Variants in HIRA observed in about 807,000 individuals in gnomAD.
HIRA encodes histone cell cycle regulator, also known as protein HIRA.
HIRA carries 13 observed loss-of-function variants against 126.6 expected under a neutral mutation model. The ratio of observed to expected loss-of-function variants is 0.10; its 90% CI spans 0.07 to 0.16. The LOEUF (loss-of-function observed/expected upper bound fraction) is 0.16, where lower values mean the gene tolerates loss of function less well. Among genes scored for constraint, HIRA ranks in the 10% least tolerant of loss-of-function variants. HIRA has a pLI of 1.00. For missense variants in HIRA, 834 were observed against 1,314.4 expected (o/e 0.63, Z 5.65); for synonymous variants, 511 against 520.0 (o/e 0.98, Z 0.24).
In HIRA at chr22:19,331,009, A is replaced by T; in HGVS notation, c.*431T>A. The T allele has an allele frequency of 2.2e-6, 1 of 450,662 alleles. No homozygotes were observed. The highest frequency in any genetic ancestry group is 3.1e-5 in the South Asian group (1 of 32,344). 27.9% of individuals were successfully genotyped at this position (450,662 alleles called of 1,614,324 possible). On this transcript the variant is annotated 3_prime_UTR_variant, in exon 25 of 25. Transcript: ENST00000263208. ...CGTGTGTTGGAACAGCTTTCCTTTT[A>T]CATAGGTCTTAGGTCAGTCTGCTGT...
chr22:19,431,336 G>A (rs537249428), intron 1 of HIRA, 104 bp downstream of exon 1: 20 of 1,297,634 alleles, frequency 1.5e-5, no homozygotes, highest in South Asian at 1.3e-4. Flanking sequence ...ACCGGGTACC[G>A]GGCGTCAGGG....
intron 13 of HIRA, among the ~76,000 whole-genome samples, chr22:19,383,357 G>GTGCCC (rs1042018698): frequency 2.9e-4 from 44 of 152,210 alleles, no homozygotes; most frequent in Middle Eastern, 6.8e-3. Flanking sequence ...GCGTCCTCTG[G>GTGCCC]TGCCCTGGCA....
At chr22:19,385,808 A>G (rs1480153188) in intron 11 of HIRA, 72 bp from the exon 12 acceptor site, 6 of 1,417,140 alleles carry the variant, frequency 4.2e-6, no homozygotes, top group Non-Finnish European at 5.9e-6. Flanking sequence ...ACCAGCAGGC[A>G]AACTACAGCA....
At chr22:19,346,809 G>T (rs528054003) in intron 24 of HIRA, among the ~76,000 whole-genome samples, 1 of 152,326 alleles carries the variant, frequency 6.6e-6, no homozygotes, top group East Asian at 1.9e-4. Flanking sequence ...CCTTTACAGA[G>T]GGTGGTAAGC....
chr22:19,340,555 T>C lies in HIRA; in HGVS notation c.2938-8999A>G, dbSNP rs1601799294. ...GAGAAAGAAATAAAGGGCATCCAAA[T>C]ATGTAAAGGGGAAGTCAAAATATCG... On this transcript the variant is annotated intron_variant, in intron 24 of 24. Transcript: ENST00000263208. 2.6e-5 allele frequency among the ~76,000 whole-genome samples: 4 copies of C among 152,068 alleles called. No homozygotes were observed. The East Asian group carries it at 7.7e-4, about 29-fold the overall frequency.
At chr22:19,407,992 G>C (rs1348638513) in intron 3 of HIRA, among the ~76,000 whole-genome samples, 1 of 152,156 alleles carries the variant, frequency 6.6e-6, no homozygotes, top group Non-Finnish European at 1.5e-5. Flanking sequence ...AACACACAGA[G>C]GAAAGGAAGG....
chr22:19,371,902 G>A (rs1239960968), intron 15 of HIRA, among the ~76,000 whole-genome samples: 1 of 151,978 alleles, frequency 6.6e-6, no homozygotes, highest in Non-Finnish European at 1.5e-5. Context: ...CCACTTTTTG[G>A]TTATTATGTA....
chr22:19,391,888 A>G (rs2089186026), intron 9 of HIRA, among the ~76,000 whole-genome samples: 1 of 152,182 alleles, frequency 6.6e-6, no homozygotes, highest in Admixed American at 6.5e-5. Context: ...GTGGGGGTCA[A>G]GGTGGCCTCT....
chr22:19,425,935 C>T (rs1325380544), intron 1 of HIRA, among the ~76,000 whole-genome samples: 3 of 152,170 alleles, frequency 2.0e-5, no homozygotes, highest in Admixed American at 6.5e-5. Context: ...CACTTGAACC[C>T]GGGAGGTGGA....
At chr22:19,358,243 C>A (rs143851263) in intron 18 of HIRA, among the ~76,000 whole-genome samples, 1 of 152,242 alleles carries the variant, frequency 6.6e-6, no homozygotes, top group Non-Finnish European at 1.5e-5. Flanking sequence ...ATCTGCCCAT[C>A]TCTGGTGGTC....
chr22:19,361,167 T>C (rs766680325), intron 17 of HIRA, 70 bp downstream of exon 17: 25 of 1,154,208 alleles, frequency 2.2e-5, no homozygotes, highest in Non-Finnish European at 3.0e-5. Context: ...AAGATAGGAT[T>C]TGTATGCAGT....
intron 5 of HIRA, chr22:19,405,438 T>C (rs1439714401): frequency 1.0e-6 from 1 of 971,702 alleles, no homozygotes; most frequent in Non-Finnish European, 1.2e-6. Context: ...AGCTGATTTC[T>C]GGGGAATAAA....
At chr22:19,414,615 T>C (rs1219909753) in intron 1 of HIRA, among the ~76,000 whole-genome samples, 1 of 152,260 alleles carries the variant, frequency 6.6e-6, no homozygotes, top group East Asian at 1.9e-4. Flanking sequence ...CTGGGAACAC[T>C]TCCTGCACTG....
At chr22:19,363,390 C>T (rs1235565833) in intron 15 of HIRA, among the ~76,000 whole-genome samples, 5 of 152,130 alleles carry the variant, frequency 3.3e-5, no homozygotes, top group Non-Finnish European at 7.4e-5. Flanking sequence ...GAGGACTGCT[C>T]GAGCCCAGAG....
At chr22:19,380,987 C>T (rs890520455) in intron 13 of HIRA, among the ~76,000 whole-genome samples, 1 of 152,170 alleles carries the variant, frequency 6.6e-6, no homozygotes, top group South Asian at 2.1e-4. Flanking sequence ...GTTATTTGTA[C>T]TGGTTAAATT....
intron 24 of HIRA, among the ~76,000 whole-genome samples, chr22:19,342,162 A>G (rs2088636279): frequency 6.6e-6 from 1 of 152,242 alleles, no homozygotes; most frequent in African/African-American, 2.4e-5. Context: ...GACAATTCTC[A>G]AAAGAAGATA....
chr22:19,334,214 A>G (rs1412896511), intron 24 of HIRA, among the ~76,000 whole-genome samples: 6 of 151,038 alleles, frequency 4.0e-5, no homozygotes, highest in African/African-American at 1.5e-4. Context: ...TGACCTTGTG[A>G]TCCGCCCGCC....
chr22:19,338,055 G>A (rs1238676842), intron 24 of HIRA, among the ~76,000 whole-genome samples: 1 of 152,100 alleles, frequency 6.6e-6, no homozygotes, highest in Non-Finnish European at 1.5e-5. Context: ...GCCTCCCTAA[G>A]TGTTGGGATT....
At chr22:19,359,730 G>C (rs1037418503) in intron 17 of HIRA, among the ~76,000 whole-genome samples, 1 of 152,198 alleles carries the variant, frequency 6.6e-6, no homozygotes, top group African/African-American at 2.4e-5. Context: ...TTGTGTAGTT[G>C]AACAGCCAGA....
Sources: gnomAD v4.1 joint callset for allele counts (sites outside exome capture counted in the v4.1 genomes callset) on GRCh38, gnomAD v4.1.1 for gene constraint, MANE v1.5 for transcripts, NCBI Gene and HGNC (gene_info 2026-07-23, HGNC 2026-07-21) for gene names.